TFEB: variants seen among roughly 807,000 people sequenced by gnomAD.
TFEB encodes the protein transcription factor EB, also known as T-cell transcription factor EB.
TFEB carries 12 observed loss-of-function variants against 48.0 expected under a neutral mutation model. The observed-to-expected ratio is 0.25, with a 90% confidence interval of 0.16 to 0.40. The LOEUF is 0.40. TFEB is among the 10% of genes least tolerant of loss of function. The pLI is 1.00. For synonymous variants in TFEB, 244 were observed against 261.4 expected, an observed-to-expected ratio of 0.93 and a Z score of 0.64; for missense variants, 509 against 640.3, an observed-to-expected ratio of 0.79 and a Z score of 2.21.
intron 1 of TFEB, among the ~76,000 whole-genome samples, chr6:41,699,456 G>A (rs1331786129): frequency 1.3e-5 from 2 of 152,186 alleles, no homozygotes; most frequent in African/African-American, 2.4e-5. Context: ...ACTAGATAGG[G>A]GCAGGAAGGC....
Position 41,734,885 on chromosome 6 carries a change from GCA to G in TFEB, c.-23+463_-23+464del, listed in dbSNP as rs1771610764. 1.0e-6 allele frequency: 1 copy of G among 979,360 alleles called. No individual in the cohort carries two copies. Among genetic ancestry groups the G allele is most frequent in the Non-Finnish European group, 1.2e-6 (1 of 828,336 alleles). The allele number at this position is 979,360 out of a possible 1,614,324, so 60.7% of individuals were successfully genotyped here. On this transcript the variant is annotated intron_variant, in intron 1 of 8. Transcript: ENST00000373033. The surrounding 1 kb of genome is among the most constrained non-coding windows in gnomAD (Gnocchi z 4.0). ...GCTGGCCTGGCCAGACTCAGCCCCC[GCA>G]CACCTCCCCTACCTCCGACCCCCTC...
intron 1 of TFEB, among the ~76,000 whole-genome samples, chr6:41,722,981 C>A (rs1266771957): frequency 1.3e-5 from 2 of 152,154 alleles, no homozygotes; most frequent in East Asian, 3.8e-4. Flanking sequence ...CATGAAACTG[C>A]AAAACGACAG....
In TFEB at chr6:41,734,811, C is replaced by G; in HGVS notation, c.-23+539G>C. 2 of 733,982 alleles carry G rather than the reference C, an allele frequency of 2.7e-6. No individual in the cohort carries two copies. Among genetic ancestry groups the G allele is most frequent in the Non-Finnish European group, 3.3e-6 (2 of 600,914 alleles). The allele number at this position is 733,982 out of a possible 1,614,324, so 45.5% of individuals were successfully genotyped here. On this transcript the variant is annotated intron_variant, in intron 1 of 8. Coordinates refer to ENST00000373033, the MANE Select transcript of TFEB (RefSeq NM_001271944.2). This position sits in a 1 kb window ranked among gnomAD's most constrained non-coding sequence, Gnocchi z 4.0. ...ATGGTACTTCCACCCGCCCCCCCAT[C>G]AGCCCAGCCCCCGGGGCGTGGCGCC...
At chr6:41,729,042 C>G (rs1771338668) in intron 1 of TFEB, among the ~76,000 whole-genome samples, 1 of 152,024 alleles carries the variant, frequency 6.6e-6, no homozygotes, top group African/African-American at 2.4e-5. Context: ...ACCCCTGTGC[C>G]CAGTCACCTG....
At chr6:41,731,148 G>A (rs771956765) in intron 1 of TFEB, among the ~76,000 whole-genome samples, 2 of 152,092 alleles carry the variant, frequency 1.3e-5, no homozygotes, top group Non-Finnish European at 2.9e-5. Context: ...CATCAATATC[G>A]GCATACTCAG....
chr6:41,734,467 C>T lies in TFEB; in HGVS notation c.-23+883G>A. 1 of 804,892 alleles carries T rather than the reference C, an allele frequency of 1.2e-6. No homozygotes were observed. The highest frequency in any genetic ancestry group is 5.7e-5 in the South Asian group (1 of 17,640). The allele number at this position is 804,892 out of a possible 1,614,324, so 49.9% of individuals were successfully genotyped here. On this transcript the variant is annotated intron_variant, in intron 1 of 8. Transcript: ENST00000373033. This position sits in a 1 kb window ranked among gnomAD's most constrained non-coding sequence, Gnocchi z 4.0. ...CGCTCCCTTCCAGGAGGCGAGCGGA[C>T]GCGCTGGGCCAGAGCTGGTCGGGAC...
At position 41,723,937 on chromosome 6, in the gene TFEB, G is replaced by A. The variant is rs768127051; in HGVS notation, c.-23+11413C>T. On this transcript the variant is annotated intron_variant, in intron 1 of 8. Coordinates refer to ENST00000373033, the MANE Select transcript of TFEB (RefSeq NM_001271944.2). This position sits in a 1 kb window ranked among gnomAD's most constrained non-coding sequence, Gnocchi z 6.0. ...ACCCTAACCCCAGCCCCGCTTCCTA[G>A]AGACATGTGTCCTTCTAGCCAGAAG... 1.5e-4 allele frequency: 76 copies of A among 512,862 alleles called. 1 individual carries two copies. Among genetic ancestry groups the A allele is most frequent in the South Asian group, 1.0e-3 (73 of 70,134 alleles). The allele number at this position is 512,862 out of a possible 1,614,324, so 31.8% of individuals were successfully genotyped here. A position where few individuals can be genotyped will look rare whatever the true frequency, so the allele number is the denominator to read the frequency against.
At chr6:41,694,101 A>G (rs887445563) in intron 1 of TFEB, among the ~76,000 whole-genome samples, 3 of 152,148 alleles carry the variant, frequency 2.0e-5, no homozygotes, top group African/African-American at 7.2e-5. Context: ...CTAGGGGAGA[A>G]TGATCCCCTT....
intron 1 of TFEB, among the ~76,000 whole-genome samples, chr6:41,711,157 A>G (rs1213271205): frequency 6.6e-6 from 1 of 152,226 alleles, no homozygotes. Flanking sequence ...ATCATGTATT[A>G]ATTCATTTGG....
chr6:41,720,482 T>C lies in TFEB; in HGVS notation c.-23+14868A>G, dbSNP rs1770932094. 6.6e-6 allele frequency: 1 copy of C among 152,328 alleles called. No homozygotes were observed. Among genetic ancestry groups the C allele is most frequent in the Non-Finnish European group, 1.5e-5 (1 of 68,156 alleles). The allele number at this position is 152,328 out of a possible 1,614,324, so 9.4% of individuals were successfully genotyped here. A position where few individuals can be genotyped will look rare whatever the true frequency, so the allele number is the denominator to read the frequency against. On this transcript the variant is annotated intron_variant, in intron 1 of 8. Coordinates refer to ENST00000373033, the MANE Select transcript of TFEB (RefSeq NM_001271944.2). The surrounding 1 kb of genome is among the most constrained non-coding windows in gnomAD (Gnocchi z 4.1). Reference sequence around the variant, plus strand: ...ATAACCCACCCAGAGCTCTTCATACTTCCTGCAGCCGGTTCATCCACAATA... The same window carrying C: ...ATAACCCACCCAGAGCTCTTCATACCTCCTGCAGCCGGTTCATCCACAATA...
intron 4 of TFEB, among the ~76,000 whole-genome samples, chr6:41,689,463 C>G (rs537597046): frequency 1.2e-4 from 18 of 152,330 alleles, no homozygotes; most frequent in African/African-American, 4.3e-4. Flanking sequence ...CTGGAAAGCT[C>G]CCCCCACAGG....
chr6:41,688,672 C>A (rs1769139499), intron 4 of TFEB, among the ~76,000 whole-genome samples: 1 of 152,154 alleles, frequency 6.6e-6, no homozygotes, highest in Non-Finnish European at 1.5e-5. Context: ...CCAGACACCC[C>A]ACAGTGTACA....
chr6:41,684,486 C>T lies in TFEB; in HGVS notation c.*113G>A. ...CAGGGGCCAACGGGGAGGAGGGAGG[C>T]AGGGCAGGTGGCTACTTCACACACA... On this transcript the variant is annotated 3_prime_UTR_variant, in exon 9 of 9. Transcript: ENST00000373033. 7.7e-7 allele frequency: 1 copy of T among 1,300,132 alleles called. No individual in the cohort carries two copies. The highest frequency in any genetic ancestry group is 1.0e-6 in the Non-Finnish European group (1 of 997,390). The allele number at this position is 1,300,132 out of a possible 1,614,324, so 80.5% of individuals were successfully genotyped here. A position where few individuals can be genotyped will look rare whatever the true frequency, so the allele number is the denominator to read the frequency against.
chr6:41,684,823 C>T lies in TFEB; in HGVS notation c.1207G>A (p.Gly403Arg). Reference sequence around the variant, plus strand: ...GGGGGACCCTCGTCCTCCCTGCCCCCAAAGCTCAGGCTGTGGCTGAAGTCC... The same window carrying T: ...GGGGGACCCTCGTCCTCCCTGCCCCTAAAGCTCAGGCTGTGGCTGAAGTCC... Reference protein sequence around the residue: ...HLDFSHSLSFGGREDEGPPGY... With the variant: ...HLDFSHSLSFRGREDEGPPGY... Residue 403 changes from glycine to arginine, a missense_variant, in exon 9 of 9, where the codon GGG becomes AGG. Physicochemically the swap from Gly to Arg is moderately radical, Grantham distance 125. Around this residue, in one of 4 missense-constraint regions of TFEB, gnomAD observed 168 missense variants for 161.0 expected, o/e 1.04. Coordinates refer to ENST00000373033, the MANE Select transcript of TFEB (RefSeq NM_001271944.2). The T allele has an allele frequency of 6.3e-7, 1 of 1,593,422 alleles. No homozygotes were observed.
chr6:41,729,934 CT>C (rs1434466405), intron 1 of TFEB, among the ~76,000 whole-genome samples: 1 of 152,178 alleles, frequency 6.6e-6, no homozygotes, highest in Non-Finnish European at 1.5e-5. Context: ...TCCAGGTGTG[CT>C]CTGGGGACCA....
Position 41,687,781 on chromosome 6 carries a change from C to A in TFEB, c.699G>T (p.Glu233Asp), listed in dbSNP as rs745674792. The change falls in exon 6 of 9, where the codon GAG becomes GAT. Residue 233 changes from glutamate (E) to aspartate (D), a missense_variant. By Grantham distance (45) the Glu-to-Asp change is conservative. Transcript: ENST00000373033. Reference sequence around the variant, plus strand: ...AGTTGTGATTGTCTTTCTTCTGCCGCTCCTTGGCCAGGGCCCTGCTCTCAG... The same window carrying A: ...AGTTGTGATTGTCTTTCTTCTGCCGATCCTTGGCCAGGGCCCTGCTCTCAG... The part of the protein sequence containing the change: ...TDAESRALAK[E>D]RQKKDNHNLI... 6.2e-7 allele frequency: 1 copy of A among 1,614,006 alleles called. No homozygotes were observed. Among genetic ancestry groups the A allele is most frequent in the Non-Finnish European group, 8.5e-7 (1 of 1,179,998 alleles).
At chr6:41,726,216 A>G (rs1487063730) in intron 1 of TFEB, among the ~76,000 whole-genome samples, 1 of 152,252 alleles carries the variant, frequency 6.6e-6, no homozygotes, top group East Asian at 1.9e-4. Flanking sequence ...AGCCTGACGT[A>G]AAAGAACATG....
At chr6:41,715,119 C>G (rs966724551) in intron 1 of TFEB, among the ~76,000 whole-genome samples, 2 of 152,144 alleles carry the variant, frequency 1.3e-5, no homozygotes, top group Admixed American at 1.3e-4. Flanking sequence ...GGGCCTCCCC[C>G]ACGCTCCCAG....
At chr6:41,710,077 A>G (rs1224655877) in intron 1 of TFEB, among the ~76,000 whole-genome samples, 1 of 152,212 alleles carries the variant, frequency 6.6e-6, no homozygotes, top group Non-Finnish European at 1.5e-5. Flanking sequence ...CTAAATTTAT[A>G]AACGAGAAAA....
Sources: allele counts gnomAD v4.1 joint callset (sites outside exome capture counted in the v4.1 genomes callset), GRCh38; gene constraint gnomAD v4.1.1; regional missense constraint gnomAD v4.1.1; non-coding constraint Gnocchi (gnomAD v3.1); transcripts MANE v1.5; gene names NCBI Gene and HGNC (gene_info 2026-07-23, HGNC 2026-07-21).